NXPE2: variants seen among roughly 807,000 people sequenced by gnomAD.
NXPE2 encodes neurexophilin and PC-esterase domain family member 2.
NXPE2 carries 34 observed loss-of-function variants against 34.4 expected under a neutral mutation model. That is an observed-to-expected ratio of 0.99 (90% confidence interval 0.75 to 1.31). NXPE2 has a LOEUF of 1.31. Ranked by LOEUF, NXPE2 falls within the 40% of genes most tolerant of loss-of-function variation. The pLI, the probability that NXPE2 is intolerant of heterozygous loss-of-function variation, is 0.00. For synonymous variants in NXPE2, 235 were observed against 231.3 expected, an observed-to-expected ratio of 1.02 and a Z score of -0.15; for missense variants, 649 against 672.5, an observed-to-expected ratio of 0.97 and a Z score of 0.39.
At chr11:114,742,879 C>A in the NXPE2 span, among the ~76,000 whole-genome samples, 1 of 152,058 alleles carries the variant, frequency 6.6e-6, no homozygotes, top group African/African-American at 2.4e-5. Flanking sequence ...TTGACCAATT[C>A]CAACAGGCTT....
At chr11:114,561,109 A>T in the NXPE2 span, among the ~76,000 whole-genome samples, 1 of 152,202 alleles carries the variant, frequency 6.6e-6, no homozygotes, top group South Asian at 2.1e-4. Flanking sequence ...CTAAGCCTGG[A>T]TGCCCAGACC....
the NXPE2 span, among the ~76,000 whole-genome samples, chr11:114,503,422 A>C: frequency 1.3e-5 from 2 of 152,216 alleles, no homozygotes; most frequent in Admixed American, 6.5e-5. Context: ...GCGTATTAGT[A>C]ATAAAATGAA....
the NXPE2 span, chr11:114,530,883 A>T: frequency 6.2e-7 from 1 of 1,612,466 alleles, no homozygotes; most frequent in Admixed American, 1.7e-5. Flanking sequence ...ATGGACAGAG[A>T]TGGATAAGTT....
chr11:114,564,182 T>A, the NXPE2 span, among the ~76,000 whole-genome samples: 16 of 152,172 alleles, frequency 1.1e-4, no homozygotes, highest in Non-Finnish European at 2.2e-4. Context: ...AGCCTATTAT[T>A]CTAAATGAAG....
chr11:114,657,649 T>C, the NXPE2 span, among the ~76,000 whole-genome samples: 1 of 152,182 alleles, frequency 6.6e-6, no homozygotes, highest in Non-Finnish European at 1.5e-5. Flanking sequence ...ATATGATTGG[T>C]TTTCTTTATA....
At chr11:114,648,109 C>G in the NXPE2 span, among the ~76,000 whole-genome samples, 3 of 151,948 alleles carry the variant, frequency 2.0e-5, no homozygotes, top group East Asian at 1.9e-4. Flanking sequence ...CTCCAAAAAC[C>G]CTTAGAATCT....
the NXPE2 span, among the ~76,000 whole-genome samples, chr11:114,786,052 G>A: frequency 6.6e-6 from 1 of 152,216 alleles, no homozygotes; most frequent in East Asian, 1.9e-4. Flanking sequence ...AGGTGGGCCT[G>A]CTTGTGAATG....
intron 4 of NXPE2, among the ~76,000 whole-genome samples, chr11:114,705,461 G>A (rs1280219046): frequency 1.3e-5 from 2 of 152,166 alleles, no homozygotes; most frequent in Non-Finnish European, 2.9e-5. Context: ...GCTATTTCAC[G>A]GCCACACATT....
chr11:114,638,858 G>A, the NXPE2 span, among the ~76,000 whole-genome samples: 1 of 151,944 alleles, frequency 6.6e-6, no homozygotes, highest in South Asian at 2.1e-4. Context: ...GCCGTGTGAG[G>A]TGTCAGTCTG....
At chr11:114,675,387 G>A (rs143726925), upstream of NXPE2, among the ~76,000 whole-genome samples, 1,070 of 151,758 alleles carry the variant, frequency 7.1e-3, 9 homozygotes, top group African/African-American at 0.02. Context: ...CCAGTGACAG[G>A]AGCTTATATA....
At chr11:114,671,607 G>T in the NXPE2 span, among the ~76,000 whole-genome samples, 4 of 151,958 alleles carry the variant, frequency 2.6e-5, no homozygotes, top group Non-Finnish European at 5.9e-5. Context: ...TTTAGAAACA[G>T]TGGCACCAGA....
At chr11:114,529,198 G>C in the NXPE2 span, 1 of 175,064 alleles carries the variant, frequency 5.7e-6, no homozygotes, top group Non-Finnish European at 1.2e-5. Flanking sequence ...ATAAATCTTC[G>C]TGGGGGAAAA....
At chr11:114,612,225 T>G in the NXPE2 span, among the ~76,000 whole-genome samples, 42 of 150,638 alleles carry the variant, frequency 2.8e-4, no homozygotes, top group Admixed American at 2.5e-3. Flanking sequence ...GTTGCCTCTA[T>G]GGTAACCACT....
At chr11:114,495,569 C>T in the NXPE2 span, among the ~76,000 whole-genome samples, 1 of 151,744 alleles carries the variant, frequency 6.6e-6, no homozygotes, top group African/African-American at 2.4e-5. Flanking sequence ...CTTCTTTCCT[C>T]AAGCAGAAGC....
the NXPE2 span, among the ~76,000 whole-genome samples, chr11:114,568,770 A>G: frequency 9.9e-5 from 15 of 152,100 alleles, no homozygotes; most frequent in Admixed American, 7.2e-4. Flanking sequence ...AGTCACCTCC[A>G]TCACCACCAT....
chr11:114,647,705 AT>A, the NXPE2 span, among the ~76,000 whole-genome samples: 2,243 of 147,504 alleles, frequency 0.015, 27 homozygotes, highest in African/African-American at 0.042. Flanking sequence ...ATTTTATTTT[AT>A]TTTTTTTTTT....
chr11:114,603,706 T>A, the NXPE2 span, among the ~76,000 whole-genome samples: 1,226 of 151,818 alleles, frequency 8.1e-3, 14 homozygotes, highest in African/African-American at 0.027. Context: ...ATGATAAGTA[T>A]TGCCTCGTCT....
At chr11:114,807,925 T>C in the NXPE2 span, among the ~76,000 whole-genome samples, 10 of 152,286 alleles carry the variant, frequency 6.6e-5, no homozygotes, top group South Asian at 4.1e-4. Context: ...TACTCCAAAA[T>C]TGACCACATA....
chr11:114,539,552 G>T, the NXPE2 span, among the ~76,000 whole-genome samples: 1 of 152,142 alleles, frequency 6.6e-6, no homozygotes, highest in East Asian at 1.9e-4. Flanking sequence ...TTTGAAATGT[G>T]GTAAGGCTTA....
Sources: gnomAD v4.1 joint callset for allele counts (sites outside exome capture counted in the v4.1 genomes callset) on GRCh38, gnomAD v4.1.1 for gene constraint, MANE v1.5 for transcripts, NCBI Gene and HGNC (gene_info 2026-07-23, HGNC 2026-07-21) for gene names.